CTNNA2: variants seen among roughly 807,000 people sequenced by gnomAD.
CTNNA2 encodes the protein catenin alpha-2.
A neutral mutation model predicts 101.0 loss-of-function variants in CTNNA2; 42 were observed. That is an observed-to-expected ratio of 0.42 (90% CI 0.32 to 0.54). The LOEUF is 0.54. Among genes scored for constraint, CTNNA2 ranks in the 20% least tolerant of loss-of-function variants. The pLI, the probability that CTNNA2 is intolerant of heterozygous loss-of-function variation, is 0.14. For missense variants in CTNNA2, 871 were observed against 1,223.1 expected (o/e 0.71, Z 4.29); for synonymous variants, 450 against 456.4 (o/e 0.99, Z 0.18).
intron 7 of CTNNA2, among the ~76,000 whole-genome samples, chr2:80,024,014 G>T (rs1192727025): frequency 6.6e-6 from 1 of 151,416 alleles, no homozygotes; most frequent in Non-Finnish European, 1.5e-5. Context: ...GTAAACCCGG[G>T]AGGCGGAGCT....
At chr2:79,598,012 T>C (rs973062601) in intron 1 of CTNNA2, among the ~76,000 whole-genome samples, 3 of 152,230 alleles carry the variant, frequency 2.0e-5, no homozygotes, top group African/African-American at 7.2e-5. Flanking sequence ...GCCACATACT[T>C]AGAATCGTAT....
intron 7 of CTNNA2, among the ~76,000 whole-genome samples, chr2:79,924,412 C>G (rs772310361): frequency 1.1e-4 from 17 of 152,078 alleles, no homozygotes; most frequent in Non-Finnish European, 2.1e-4. Flanking sequence ...TTTCAGAATA[C>G]TACTGCTGTT....
chr2:79,373,420 T>A, intron 3 of CTNNA2, among the ~76,000 whole-genome samples: 1 of 152,214 alleles, frequency 6.6e-6, no homozygotes, highest in Non-Finnish European at 1.5e-5. Flanking sequence ...TTAAACGTAG[T>A]GATTCATACC....
chr2:79,215,233 C>T (rs1325159206), intron 2 of CTNNA2, among the ~76,000 whole-genome samples: 6 of 152,148 alleles, frequency 3.9e-5, no homozygotes, highest in Non-Finnish European at 8.8e-5. Flanking sequence ...GAATCTTGGG[C>T]TGTGGGCATT....
At chr2:79,282,317 T>C (rs572776014) in intron 2 of CTNNA2, among the ~76,000 whole-genome samples, 1 of 152,100 alleles carries the variant, frequency 6.6e-6, no homozygotes, top group Non-Finnish European at 1.5e-5. Flanking sequence ...GCAGGTTAGT[T>C]ACATATGTAT....
At chr2:80,343,445 T>A (rs534462432) in intron 7 of CTNNA2, among the ~76,000 whole-genome samples, 46 of 151,094 alleles carry the variant, frequency 3.0e-4, no homozygotes, top group Non-Finnish European at 4.4e-4. Flanking sequence ...AAATCTCCAG[T>A]GTTCCAAGCC....
chr2:79,802,807 G>A (rs1027045150), intron 3 of CTNNA2, among the ~76,000 whole-genome samples: 17 of 152,168 alleles, frequency 1.1e-4, no homozygotes, highest in Admixed American at 7.9e-4. Flanking sequence ...TGTCAGTTCT[G>A]GGGACAGAAA....
intron 3 of CTNNA2, among the ~76,000 whole-genome samples, chr2:79,341,543 A>T (rs1288686305): frequency 1.3e-5 from 2 of 152,210 alleles, no homozygotes; most frequent in East Asian, 3.9e-4. Flanking sequence ...ATATTTCCAC[A>T]CATCTTTGGA....
At position 79,897,910 on chromosome 2, in the gene CTNNA2, C is replaced by G. The variant is rs1684823248; in HGVS notation, c.853-11684C>G. Among the ~76,000 whole-genome samples, 3 of 152,248 alleles carry G rather than the reference C, an allele frequency of 2.0e-5. No homozygotes were observed. The East Asian group carries it at 5.8e-4, about 30-fold the overall frequency. ...GTATGGCGGAAGGCAGAAGGGCAAG[C>G]TAGCCAAATGCTCCTTGAAACCTCT... On this transcript the variant is annotated intron_variant, in intron 6 of 18. Coordinates refer to ENST00000402739, the MANE Select transcript of CTNNA2 (RefSeq NM_001282597.3).
intron 9 of CTNNA2, among the ~76,000 whole-genome samples, chr2:80,489,730 A>T (rs1686888799): frequency 6.6e-6 from 1 of 152,194 alleles, no homozygotes; most frequent in Non-Finnish European, 1.5e-5. Context: ...TTGGTTGTAA[A>T]CTTACTTCCT....
intron 18 of CTNNA2, among the ~76,000 whole-genome samples, chr2:80,642,405 G>A (rs1373683902): frequency 6.6e-6 from 1 of 152,070 alleles, no homozygotes; most frequent in East Asian, 1.9e-4. Flanking sequence ...ATTGTATTGT[G>A]AGCTCTTGTG....
intron 7 of CTNNA2, among the ~76,000 whole-genome samples, chr2:80,232,650 G>A (rs533850854): frequency 2.6e-5 from 4 of 152,048 alleles, no homozygotes; most frequent in Non-Finnish European, 5.9e-5. Flanking sequence ...AAACTTCTGG[G>A]CAGAAACAAA....
chr2:79,538,016 A>G (rs1673177504), intron 1 of CTNNA2, among the ~76,000 whole-genome samples: 1 of 152,194 alleles, frequency 6.6e-6, no homozygotes, highest in Non-Finnish European at 1.5e-5. Flanking sequence ...GACCCTGTTC[A>G]TTCCAAGAGA....
chr2:79,402,368 C>T (rs941347154), intron 4 of CTNNA2, among the ~76,000 whole-genome samples: 1 of 151,604 alleles, frequency 6.6e-6, no homozygotes, highest in African/African-American at 2.4e-5. Context: ...CGCAATAGTC[C>T]CCTTTATCTG....
At chr2:80,125,943 C>T (rs1426271617) in intron 7 of CTNNA2, among the ~76,000 whole-genome samples, 1 of 152,112 alleles carries the variant, frequency 6.6e-6, no homozygotes, top group Non-Finnish European at 1.5e-5. Flanking sequence ...GCACCTGGTT[C>T]ACTTTTGTAA....
chr2:79,428,429 G>C (rs560327901), intron 4 of CTNNA2, among the ~76,000 whole-genome samples: 2 of 152,134 alleles, frequency 1.3e-5, no homozygotes, highest in Admixed American at 1.3e-4. Flanking sequence ...AAGTAAGCTG[G>C]AACATCTAGT....
intron 2 of CTNNA2, among the ~76,000 whole-genome samples, chr2:79,689,321 A>T (rs958280796): frequency 1.3e-5 from 2 of 151,948 alleles, no homozygotes; most frequent in East Asian, 1.9e-4. Context: ...TTAAAGGCAG[A>T]TTATCGTTGG....
At chr2:79,253,489 A>G (rs577594177) in intron 2 of CTNNA2, among the ~76,000 whole-genome samples, 1 of 152,308 alleles carries the variant, frequency 6.6e-6, no homozygotes, top group Non-Finnish European at 1.5e-5. Context: ...TCCAGGGTTA[A>G]TATTACAATT....
intron 7 of CTNNA2, among the ~76,000 whole-genome samples, chr2:80,248,147 T>A (rs1048518111): frequency 5.9e-5 from 9 of 152,116 alleles, no homozygotes; most frequent in Admixed American, 5.9e-4. Flanking sequence ...TGTCTGCCTT[T>A]ATTATTTAAG....
Sources: allele counts gnomAD v4.1 joint callset (sites outside exome capture counted in the v4.1 genomes callset), GRCh38; gene constraint gnomAD v4.1.1; transcripts MANE v1.5; gene names NCBI Gene and HGNC (gene_info 2026-07-23, HGNC 2026-07-21).